Variants in CHIC1 observed in about 807,000 individuals in gnomAD.
CHIC1 encodes cysteine-rich hydrophobic domain-containing protein 1.
CHIC1 carries 7 observed loss-of-function variants against 18.5 expected under a neutral mutation model. The observed-to-expected ratio is 0.38, with a 90% CI of 0.22 to 0.71. The LOEUF is 0.71. Ranked by LOEUF, CHIC1 falls within the 30% of genes least tolerant of loss-of-function variation. CHIC1 has a pLI of 0.49. For missense variants in CHIC1, 159 were observed against 176.9 expected, an observed-to-expected ratio of 0.90 and a Z score of 0.57; for synonymous variants, 77 against 73.5, an observed-to-expected ratio of 1.05 and a Z score of -0.25.
intron 1 of CHIC1, among the ~76,000 whole-genome samples, chrX:73,566,321 T>G (rs1243429105): frequency 1.8e-5 from 2 of 110,074 alleles, no homozygotes; most frequent in Non-Finnish European, 3.8e-5. Flanking sequence ...CATGTCACTT[T>G]CCTGCTGAAA....
intron 3 of CHIC1, among the ~76,000 whole-genome samples, chrX:73,636,253 GTCTT>G (rs934466036): frequency 1.8e-5 from 2 of 111,398 alleles, no homozygotes; most frequent in African/African-American, 6.5e-5. Context: ...TCCAAAGTGA[GTCTT>G]TATAGATAGC....
intron 3 of CHIC1, among the ~76,000 whole-genome samples, chrX:73,677,719 C>T (rs1367117066): frequency 8.9e-6 from 1 of 112,297 alleles, no homozygotes; most frequent in Admixed American, 9.4e-5. Flanking sequence ...TGCTTCGGCT[C>T]GCACACGGTG....
chrX:73,626,482 TTTTA>T (rs2057784125), intron 3 of CHIC1, among the ~76,000 whole-genome samples: 1 of 110,928 alleles, frequency 9.0e-6, no homozygotes, highest in East Asian at 2.8e-4. Flanking sequence ...CTTTACGGTT[TTTTA>T]TTTATTTTCA....
chrX:73,585,071 T>A (rs2057546478), intron 3 of CHIC1, among the ~76,000 whole-genome samples: 1 of 111,860 alleles, frequency 8.9e-6, no homozygotes, highest in Non-Finnish European at 1.9e-5. Flanking sequence ...AAATTTCACA[T>A]TAGTTTTTGT....
rs1374610480 is a variant in CHIC1 at position 73,682,245 on chromosome X, C to A, written c.*1240C>A. ...ACAAAAGTATTTTAGTTTATAAATT[C>A]AGCACATATGTAACATTTATTTGGT... On this transcript the variant is annotated 3_prime_UTR_variant, in exon 6 of 6. Transcript: ENST00000373502. The A allele has an allele frequency of 8.9e-6, 1 of 111,782 alleles. No homozygotes were observed. The highest frequency in any genetic ancestry group is 9.5e-5 in the Admixed American group (1 of 10,527). The allele number at this position is 111,782 out of a possible 1,213,427, so 9.2% of individuals were successfully genotyped here. A position where few individuals can be genotyped will look rare whatever the true frequency, so the allele number is the denominator to read the frequency against.
intron 3 of CHIC1, among the ~76,000 whole-genome samples, chrX:73,614,838 C>A (rs1050311934): frequency 9.1e-6 from 1 of 110,043 alleles, no homozygotes; most frequent in Non-Finnish European, 1.9e-5. Flanking sequence ...TTTTATATCA[C>A]TGTTTTAAAT....
intron 1 of CHIC1, among the ~76,000 whole-genome samples, chrX:73,567,226 A>T (rs764281422): frequency 1.8e-5 from 2 of 110,197 alleles, no homozygotes; most frequent in African/African-American, 6.6e-5. Flanking sequence ...CCAAGTAGGG[A>T]TTTCTTTACC....
intron 3 of CHIC1, among the ~76,000 whole-genome samples, chrX:73,675,319 T>C: frequency 9.0e-6 from 1 of 111,730 alleles, no homozygotes; most frequent in Middle Eastern, 4.6e-3. Context: ...CTGTCTAATG[T>C]TGACATTGGG....
chrX:73,563,590 AG>A lies in CHIC1; in HGVS notation c.296+15del. On this transcript the variant is annotated intron_variant, in intron 1 of 5. Coordinates refer to ENST00000373502, the MANE Select transcript of CHIC1 (RefSeq NM_001039840.4). ...CCGGCCACATCACTGTGTAAGCGAG[AG>A]GGGGTCTTGGGACTTGAAATGCCTG... is the stretch of plus-strand genomic sequence containing the variant. 9.4e-7 allele frequency: 1 copy of A among 1,061,557 alleles called. No homozygotes were observed. Among genetic ancestry groups the A allele is most frequent in the Non-Finnish European group, 1.2e-6 (1 of 819,787 alleles). 87.5% of individuals were successfully genotyped at this position (1,061,557 alleles called of 1,213,427 possible).
chrX:73,664,386 G>A (rs2057994778), intron 3 of CHIC1, among the ~76,000 whole-genome samples: 1 of 110,947 alleles, frequency 9.0e-6, no homozygotes, highest in South Asian at 3.9e-4. Flanking sequence ...ACTTCAGGAG[G>A]CCTTAATGCC....
At chrX:73,612,792 A>G (rs1012530708) in intron 3 of CHIC1, among the ~76,000 whole-genome samples, 2 of 112,240 alleles carry the variant, frequency 1.8e-5, no homozygotes, top group Admixed American at 9.4e-5. Flanking sequence ...TAGCTGTTGA[A>G]TGAAATTTTC....
chrX:73,596,726 C>A (rs770574381), intron 3 of CHIC1, among the ~76,000 whole-genome samples: 3 of 110,610 alleles, frequency 2.7e-5, no homozygotes, highest in Non-Finnish European at 5.7e-5. Context: ...TAACACCACA[C>A]ACCTACAATC....
At chrX:73,654,056 A>G (rs2057930661) in intron 3 of CHIC1, among the ~76,000 whole-genome samples, 1 of 112,318 alleles carries the variant, frequency 8.9e-6, no homozygotes, top group African/African-American at 3.2e-5. Context: ...TGCTGTGGCT[A>G]AAACTTCTAG....
At chrX:73,672,130 G>A (rs1434766661) in intron 3 of CHIC1, among the ~76,000 whole-genome samples, 1 of 111,748 alleles carries the variant, frequency 8.9e-6, no homozygotes, top group African/African-American at 3.3e-5. Flanking sequence ...AGTATTCCAT[G>A]GTGTATATGT....
chrX:73,596,711 A>G (rs893305571), intron 3 of CHIC1, among the ~76,000 whole-genome samples: 1 of 111,079 alleles, frequency 9.0e-6, no homozygotes, highest in African/African-American at 3.3e-5. Context: ...CAGAGGCCTC[A>G]GAAATAACAC....
chrX:73,587,573 G>A (rs930263448), intron 3 of CHIC1, among the ~76,000 whole-genome samples: 1 of 111,504 alleles, frequency 9.0e-6, no homozygotes, highest in African/African-American at 3.3e-5. Flanking sequence ...GGAGATAGAG[G>A]TTATAATTCA....
At chrX:73,633,241 C>T (rs1289067726) in intron 3 of CHIC1, among the ~76,000 whole-genome samples, 1 of 108,142 alleles carries the variant, frequency 9.2e-6, no homozygotes, top group Non-Finnish European at 1.9e-5. Context: ...CACTGCCCCC[C>T]CACATTTGTG....
At chrX:73,661,574 T>C (rs1301696149) in intron 3 of CHIC1, among the ~76,000 whole-genome samples, 2 of 112,055 alleles carry the variant, frequency 1.8e-5, no homozygotes, top group Non-Finnish European at 3.8e-5. Flanking sequence ...GGCCAGGCAG[T>C]GAGCTGTGGG....
chrX:73,589,021 GTTCTA>G (rs1316892577), intron 3 of CHIC1, among the ~76,000 whole-genome samples: 1 of 108,883 alleles, frequency 9.2e-6, no homozygotes, highest in Non-Finnish European at 1.9e-5. Flanking sequence ...TTTTTCTGTT[GTTCTA>G]TTCTGTATTT....
Sources: allele counts gnomAD v4.1 joint callset (sites outside exome capture counted in the v4.1 genomes callset), GRCh38; gene constraint gnomAD v4.1.1; transcripts MANE v1.5; gene names NCBI Gene and HGNC (gene_info 2026-07-23, HGNC 2026-07-21).